Variants in EIF2AK2 observed in about 807,000 individuals in gnomAD.
The protein encoded by EIF2AK2 is interferon-induced, double-stranded RNA-activated protein kinase.
A neutral mutation model predicts 70.5 loss-of-function variants in EIF2AK2; 40 were observed. The ratio of observed to expected loss-of-function variants is 0.57; its 90% CI spans 0.44 to 0.74. The LOEUF is 0.74. EIF2AK2 is among the 30% of genes least tolerant of loss of function. The pLI is 0.00. For synonymous variants in EIF2AK2, 198 were observed against 220.9 expected, an observed-to-expected ratio of 0.90 and a Z score of 0.92; for missense variants, 555 against 644.3, an observed-to-expected ratio of 0.86 and a Z score of 1.50.
At chr2:37,145,764 T>G (rs868309577) in intron 4 of EIF2AK2, among the ~76,000 whole-genome samples, 1,836 of 116,546 alleles carry the variant, frequency 0.016, 108 homozygotes, top group African/African-American at 0.053. Flanking sequence ...TTTTTTTTTT[T>G]TTTTTTTTTT....
chr2:37,139,034 C>A (rs928005944), intron 6 of EIF2AK2, among the ~76,000 whole-genome samples: 1 of 150,164 alleles, frequency 6.7e-6, no homozygotes, highest in African/African-American at 2.5e-5. Context: ...CTCCTGAGTT[C>A]GGCCAGGTGC....
chr2:37,140,205 G>T (rs1300919610), intron 5 of EIF2AK2, among the ~76,000 whole-genome samples: 1 of 151,618 alleles, frequency 6.6e-6, no homozygotes, highest in African/African-American at 2.4e-5. Context: ...GAAGAGCAAA[G>T]CATGGATTCT....
At chr2:37,156,031 A>AGGGCAGAGCGGGGTTTCTTGTAT (rs1675910707) in intron 1 of EIF2AK2, among the ~76,000 whole-genome samples, 1 of 152,118 alleles carries the variant, frequency 6.6e-6, no homozygotes, top group Non-Finnish European at 1.5e-5. Context: ...GGGAACAGCA[A>AGGGCAGAGCGGGGTTTCTTGTAT]GGGCAGAGCG....
intron 11 of EIF2AK2, 29 bp from the exon 12 acceptor site, chr2:37,122,693 G>A (rs760666865): frequency 6.2e-7 from 1 of 1,613,756 alleles, no homozygotes; most frequent in South Asian, 1.1e-5. Context: ...GAACATGGCA[G>A]TGTCAGTGTA....
At chr2:37,129,098 C>G (rs1558418540) in intron 10 of EIF2AK2, among the ~76,000 whole-genome samples, 2 of 152,090 alleles carry the variant, frequency 1.3e-5, no homozygotes, top group Non-Finnish European at 2.9e-5. Context: ...GGAGGGCCCC[C>G]AGACATCTTG....
chr2:37,113,102 T>G (rs1186686711), intron 14 of EIF2AK2, among the ~76,000 whole-genome samples: 1 of 152,258 alleles, frequency 6.6e-6, no homozygotes. Flanking sequence ...CAGTTAATTT[T>G]TATGTTAGTA....
In EIF2AK2 at chr2:37,099,295, T is replaced by C. The variant is rs1558400968; in HGVS notation, c.*7978A>G. The C allele has an allele frequency of 6.6e-6, 1 of 152,258 alleles. No individual in the cohort carries two copies. The highest frequency in any genetic ancestry group is 1.9e-4 in the East Asian group (1 of 5,208). The allele number at this position is 152,258 out of a possible 1,614,324, so 9.4% of individuals were successfully genotyped here. On this transcript the variant is annotated 3_prime_UTR_variant, in exon 17 of 17. Coordinates refer to ENST00000233057, the MANE Select transcript of EIF2AK2 (RefSeq NM_001135651.3). ...TTTGAAAATGAACATTATTATTTATTAGACACATTTTATAGGCTCATTCAA... is the reference window on the plus strand; with the variant it reads ...TTTGAAAATGAACATTATTATTTATCAGACACATTTTATAGGCTCATTCAA...
intron 4 of EIF2AK2, 50 bp downstream of exon 4, chr2:37,146,803 A>C: frequency 6.3e-7 from 1 of 1,591,798 alleles, no homozygotes; most frequent in South Asian, 1.1e-5. Context: ...AGAGAAACAG[A>C]AAATGTATTT....
rs1188490662 is a variant in EIF2AK2, at chr2:37,146,956, A to G, written c.137T>C (p.Ile46Thr). Residue 46 changes from isoleucine to threonine, a missense_variant, in exon 4 of 17, where the codon ATA becomes ACA. Transcript: ENST00000233057. ...TTCTGGAAATTCTCTTCCATCTATT[A>G]TAACTTGAAATGTAAACCTGATTAC... Reference protein sequence around the residue: ...PHDRRFTFQVIIDGREFPEGE... With the variant: ...PHDRRFTFQVTIDGREFPEGE... 4 of 1,611,944 alleles carry G rather than the reference A, an allele frequency of 2.5e-6. No individual in the cohort carries two copies. The highest frequency in any genetic ancestry group is 3.4e-6 in the Non-Finnish European group (4 of 1,179,158).
intron 13 of EIF2AK2, among the ~76,000 whole-genome samples, chr2:37,117,112 C>T (rs1198937304): frequency 6.6e-6 from 1 of 151,150 alleles, no homozygotes; most frequent in African/African-American, 2.4e-5. Flanking sequence ...ACTCGAGAGG[C>T]TGACGCAGGA....
rs1342424608 is a variant in EIF2AK2 at position 37,099,725 on chromosome 2, T to A, written c.*7548A>T. 6.6e-6 allele frequency: 1 copy of A among 152,212 alleles called. No individual in the cohort carries two copies. The highest frequency in any genetic ancestry group is 1.5e-5 in the Non-Finnish European group (1 of 68,040). The allele number at this position is 152,212 out of a possible 1,614,324, so 9.4% of individuals were successfully genotyped here. On this transcript the variant is annotated 3_prime_UTR_variant, in exon 17 of 17. Transcript: ENST00000233057. ...TACACAAAAGTTCATAGTAGCATTA[T>A]TCATGGTAGCCAAAAAGTACAAACA... is the stretch of plus-strand genomic sequence containing the variant.
chr2:37,101,707 G>A lies in EIF2AK2; in HGVS notation c.*5566C>T, dbSNP rs894158561. On this transcript the variant is annotated 3_prime_UTR_variant, in exon 17 of 17. Transcript: ENST00000233057. ...AATAAAAGCCGAAAAGAACTAAAAC[G>A]CAGGGGTAAATTTTACAGAGTAAAG... is the stretch of plus-strand genomic sequence containing the variant. 3.9e-5 allele frequency: 6 copies of A among 152,164 alleles called. No individual in the cohort carries two copies. Among genetic ancestry groups the A allele is most frequent in the Admixed American group, 6.5e-5 (1 of 15,268 alleles). 9.4% of individuals were successfully genotyped at this position (152,164 alleles called of 1,614,324 possible).
rs1196685884 is a variant in EIF2AK2, at chr2:37,111,861, C to CAAAA, written c.1378-2570_1378-2567dup. On this transcript the variant is annotated intron_variant, in intron 14 of 16. Transcript: ENST00000233057. ...CTGGGTGAAAAGCAAGACCCTGTCTCAAAAAAAAAAAAAAAAAATATATAT... is the reference window on the plus strand; with the variant it reads ...CTGGGTGAAAAGCAAGACCCTGTCTCAAAAAAAAAAAAAAAAAAAAAATATATAT... 1.1e-3 allele frequency among the ~76,000 whole-genome samples: 34 copies of CAAAA among 32,084 alleles called. 1 individual carries two copies. The highest frequency in any genetic ancestry group is 4.1e-3 in the African/African-American group (32 of 7,716). The allele number at this position is 32,084 out of a possible 152,430, so 21.0% of individuals were successfully genotyped here.
At chr2:37,119,816 T>G in intron 13 of EIF2AK2, 143 bp downstream of exon 13, 1 of 366,624 alleles carries the variant, frequency 2.7e-6, no homozygotes, top group Non-Finnish European at 4.4e-6. Context: ...GGTTTCGAAC[T>G]CATGACCTCA....
intron 14 of EIF2AK2, among the ~76,000 whole-genome samples, chr2:37,111,875 AAAAATATAT>A (rs1176228776): frequency 6.5e-4 from 26 of 40,144 alleles, no homozygotes; most frequent in Non-Finnish European, 1.0e-3. Context: ...AAAAAAAAAA[AAAAATATAT>A]ATATATATAT....
At position 37,102,707 on chromosome 2, in the gene EIF2AK2, T is replaced by G. The variant is rs1673855603; in HGVS notation, c.*4566A>C. 1 of 152,194 alleles carries G rather than the reference T, an allele frequency of 6.6e-6. No individual in the cohort carries two copies. The highest frequency in any genetic ancestry group is 1.5e-5 in the Non-Finnish European group (1 of 68,046). 9.4% of individuals were successfully genotyped at this position (152,194 alleles called of 1,614,324 possible). On this transcript the variant is annotated 3_prime_UTR_variant, in exon 17 of 17. Transcript: ENST00000233057. ...ACTGTGCTTAGAAGCACCCCACACC[T>G]AATTTTTGAACGAGGGCCGTACAGT...
At position 37,156,970 on chromosome 2, in the gene EIF2AK2, T is replaced by A. The variant is rs1257402395; in HGVS notation, c.-246A>T. On this transcript the variant is annotated 5_prime_UTR_variant, in exon 1 of 17. Coordinates refer to ENST00000233057, the MANE Select transcript of EIF2AK2 (RefSeq NM_001135651.3). ...AGACCCGCGGCTTCGGGAGAGCTGGTTCTCAGTTTCGTTTTCCCCTTGGAC... is the reference window on the plus strand; with the variant it reads ...AGACCCGCGGCTTCGGGAGAGCTGGATCTCAGTTTCGTTTTCCCCTTGGAC... The A allele has an allele frequency of 5.4e-6, 1 of 183,800 alleles. No homozygotes were observed. The highest frequency in any genetic ancestry group is 1.1e-5 in the Non-Finnish European group (1 of 92,564). 11.4% of individuals were successfully genotyped at this position (183,800 alleles called of 1,614,324 possible).
chr2:37,126,135 G>A (rs1053520736), intron 11 of EIF2AK2, among the ~76,000 whole-genome samples, 154 bp downstream of exon 11: 1 of 152,054 alleles, frequency 6.6e-6, no homozygotes, highest in African/African-American at 2.4e-5. Context: ...GATCATCTCG[G>A]AGTAAGCCAA....
chr2:37,129,872 C>G (rs937517035), intron 10 of EIF2AK2, among the ~76,000 whole-genome samples: 1 of 152,132 alleles, frequency 6.6e-6, no homozygotes, highest in Non-Finnish European at 1.5e-5. Context: ...ATCTCAAGAA[C>G]AGAACCCTTC....
Sources: allele counts gnomAD v4.1 joint callset (sites outside exome capture counted in the v4.1 genomes callset), GRCh38; gene constraint gnomAD v4.1.1; transcripts MANE v1.5; gene names NCBI Gene and HGNC (gene_info 2026-07-23, HGNC 2026-07-21).